CLTC: variants seen among roughly 807,000 people sequenced by gnomAD.
The protein encoded by CLTC is clathrin heavy chain 1.
In CLTC, 16 loss-of-function variants were observed where a neutral mutation model predicts 195.8. The observed-to-expected ratio is 0.08, with a 90% CI of 0.06 to 0.12. The LOEUF (loss-of-function observed/expected upper bound fraction) is 0.12, where lower values mean the gene tolerates loss of function less well. CLTC is among the 10% of genes least tolerant of loss of function. The probability of loss-of-function intolerance (pLI) is 1.00; values close to 1 mark genes in which losing one functional copy is unlikely to be tolerated. For synonymous variants in CLTC, 667 were observed against 689.4 expected, an observed-to-expected ratio of 0.97 and a Z score of 0.51; for missense variants, 796 against 2,027.0, an observed-to-expected ratio of 0.39 and a Z score of 11.66.
chr17:59,675,130 A>G (rs2032937008), intron 16 of CLTC, among the ~76,000 whole-genome samples: 1 of 152,154 alleles, frequency 6.6e-6, no homozygotes, highest in Non-Finnish European at 1.5e-5. Flanking sequence ...TAAACTATGT[A>G]CTAAGTCTCC....
intron 13 of CLTC, among the ~76,000 whole-genome samples, chr17:59,667,538 G>A (rs1442474924): frequency 6.6e-6 from 1 of 152,160 alleles, no homozygotes; most frequent in Non-Finnish European, 1.5e-5. Context: ...ATAATAGCAG[G>A]TGATTCTCAC....
chr17:59,643,074 G>A (rs923648539), intron 1 of CLTC, among the ~76,000 whole-genome samples: 1 of 151,822 alleles, frequency 6.6e-6, no homozygotes, highest in African/African-American at 2.4e-5. Flanking sequence ...TGTATTGCTA[G>A]AGGACAAGGG....
rs746722435 is a variant in CLTC, at chr17:59,664,917, G to A, written c.1644+8G>A. Reference sequence around the variant, plus strand: ...CTTGCTGACATCACACAGGTAATGTGATTAAAATATATTTTGTAGAAGCTG... The same window carrying A: ...CTTGCTGACATCACACAGGTAATGTAATTAAAATATATTTTGTAGAAGCTG... On this transcript the variant is annotated splice_region_variant and intron_variant, in intron 10 of 31. Transcript: ENST00000269122. 1 of 1,613,318 alleles carries A rather than the reference G, an allele frequency of 6.2e-7. No individual in the cohort carries two copies. Among genetic ancestry groups the A allele is most frequent in the South Asian group, 1.1e-5 (1 of 91,028 alleles).
intron 1 of CLTC, among the ~76,000 whole-genome samples, chr17:59,631,814 TA>T (rs1244517995): frequency 2.6e-5 from 4 of 151,420 alleles, no homozygotes; most frequent in Non-Finnish European, 5.9e-5. Flanking sequence ...CTACAAAAAA[TA>T]AAAAATTAGC....
At chr17:59,690,758 ATTAC>A (rs2033278006) in intron 31 of CLTC, 47 bp downstream of exon 31, 2 of 1,401,900 alleles carry the variant, frequency 1.4e-6, no homozygotes, top group Non-Finnish European at 2.0e-6. Context: ...CAAATATTTA[ATTAC>A]TTAGAGACTG....
At chr17:59,647,159 G>C (rs1408100491) in intron 2 of CLTC, among the ~76,000 whole-genome samples, 1 of 152,152 alleles carries the variant, frequency 6.6e-6, no homozygotes, top group East Asian at 1.9e-4. Flanking sequence ...GAATTCCATG[G>C]AAGTCATACT....
chr17:59,685,522 T>C lies in CLTC; in HGVS notation c.4606-65T>C. 1 of 1,345,614 alleles carries C rather than the reference T, an allele frequency of 7.4e-7. No homozygotes were observed. Among genetic ancestry groups the C allele is most frequent in the East Asian group, 2.3e-5 (1 of 42,908 alleles). 83.4% of individuals were successfully genotyped at this position (1,345,614 alleles called of 1,614,324 possible). Reference sequence around the variant, plus strand: ...TTATATTGGAAAGTTTCCATTGTTTTTCTTGGTTTACTAGTTCAGTATGTG... The same window carrying C: ...TTATATTGGAAAGTTTCCATTGTTTCTCTTGGTTTACTAGTTCAGTATGTG... On this transcript the variant is annotated intron_variant, in intron 29 of 31. Coordinates refer to ENST00000269122, the MANE Select transcript of CLTC (RefSeq NM_004859.4). The surrounding 1 kb of genome is among the most constrained non-coding windows in gnomAD (Gnocchi z 5.0).
intron 30 of CLTC, among the ~76,000 whole-genome samples, chr17:59,687,756 G>T (rs2033215176): frequency 6.6e-6 from 1 of 152,058 alleles, no homozygotes. Flanking sequence ...CTGTAATAAG[G>T]CATACCTCTG....
At chr17:59,665,932 T>C (rs765358030) in intron 10 of CLTC, among the ~76,000 whole-genome samples, 171 bp from the exon 11 acceptor site, 7 of 152,216 alleles carry the variant, frequency 4.6e-5, no homozygotes, top group Non-Finnish European at 8.8e-5. Context: ...ATTTTGTAGT[T>C]GTTTTTATCA....
intron 8 of CLTC, 31 bp downstream of exon 8, chr17:59,661,674 T>A: frequency 6.3e-7 from 1 of 1,587,382 alleles, no homozygotes; most frequent in Non-Finnish European, 8.6e-7. Context: ...ATAATCTTGC[T>A]TTGGTTGCAT....
chr17:59,665,008 T>A, intron 10 of CLTC, 99 bp downstream of exon 10: 1 of 1,471,004 alleles, frequency 6.8e-7, no homozygotes, highest in Non-Finnish European at 9.2e-7. Context: ...GAGTATTGCT[T>A]GAGGCCAAGA....
At chr17:59,678,427 A>C (rs756273971) in intron 17 of CLTC, among the ~76,000 whole-genome samples, 1 of 152,198 alleles carries the variant, frequency 6.6e-6, no homozygotes, top group Non-Finnish European at 1.5e-5. Context: ...AAATTTTTCA[A>C]ACTCCAGCAG....
At chr17:59,660,099 G>A (rs1280376649) in intron 6 of CLTC, among the ~76,000 whole-genome samples, 1 of 152,208 alleles carries the variant, frequency 6.6e-6, no homozygotes. Context: ...AGAATGAATA[G>A]ATGGTATCAA....
chr17:59,670,236 A>G (rs184078467), intron 14 of CLTC, among the ~76,000 whole-genome samples: 1 of 151,696 alleles, frequency 6.6e-6, no homozygotes, highest in African/African-American at 2.4e-5. Context: ...CAACAACAAA[A>G]AAAACTACTA....
intron 31 of CLTC, among the ~76,000 whole-genome samples, chr17:59,692,917 C>T (rs572306403): frequency 3.9e-5 from 6 of 152,276 alleles, no homozygotes; most frequent in South Asian, 2.1e-4. Context: ...GGATTACAGG[C>T]GTGAGCCACC....
intron 1 of CLTC, among the ~76,000 whole-genome samples, chr17:59,637,443 A>G (rs1254366962): frequency 6.7e-6 from 1 of 149,832 alleles, no homozygotes; most frequent in East Asian, 2.0e-4. Flanking sequence ...ACGGGGTTTC[A>G]CTGTGTTAGC....
chr17:59,686,059 A>T (rs1165965923), intron 30 of CLTC, among the ~76,000 whole-genome samples: 1 of 152,102 alleles, frequency 6.6e-6, no homozygotes, highest in African/African-American at 2.4e-5. Flanking sequence ...TTTTTTATTT[A>T]AAAAACTTTG....
chr17:59,656,899 C>T lies in CLTC; in HGVS notation c.969+872C>T, dbSNP rs182667736. Among the ~76,000 whole-genome samples the T allele has an allele frequency of 8.4e-3, 1,274 of 152,020 alleles. 7 individuals are homozygous for T. Among genetic ancestry groups the T allele is most frequent in the Non-Finnish European group, 0.013 (879 of 67,958 alleles). On this transcript the variant is annotated intron_variant, in intron 6 of 31. Coordinates refer to ENST00000269122, the MANE Select transcript of CLTC (RefSeq NM_004859.4). Reference sequence around the variant, plus strand: ...ATTTTGGCCAGGCTGGTCTCAAACTCCTGACCTTGTGATCCACCCGCCCCA... The same window carrying T: ...ATTTTGGCCAGGCTGGTCTCAAACTTCTGACCTTGTGATCCACCCGCCCCA...
intron 5 of CLTC, among the ~76,000 whole-genome samples, chr17:59,652,102 G>T (rs2032342345): frequency 6.6e-6 from 1 of 152,174 alleles, no homozygotes; most frequent in Non-Finnish European, 1.5e-5. Flanking sequence ...TTTACTAGGA[G>T]ATTACAGTAA....
Sources: allele counts gnomAD v4.1 joint callset (sites outside exome capture counted in the v4.1 genomes callset), GRCh38; gene constraint gnomAD v4.1.1; non-coding constraint Gnocchi (gnomAD v3.1); transcripts MANE v1.5; gene names NCBI Gene and HGNC (gene_info 2026-07-23, HGNC 2026-07-21).